Variants in LRRC7 observed in about 807,000 individuals in gnomAD.
The protein encoded by LRRC7 is leucine-rich repeat-containing protein 7.
Under a neutral mutation model 175.7 loss-of-function variants are expected in LRRC7, and 23 were observed. The observed-to-expected ratio is 0.13, with a 90% CI of 0.09 to 0.19. LRRC7 has a LOEUF of 0.19. Among genes scored for constraint, LRRC7 ranks in the 10% least tolerant of loss-of-function variants. The pLI is 1.00. For missense variants in LRRC7, 1,354 were observed against 1,904.7 expected (o/e 0.71, Z 5.38); for synonymous variants, 685 against 680.9 (o/e 1.01, Z -0.09).
chr1:69,598,037 T>C (rs960096500), intron 1 of LRRC7, among the ~76,000 whole-genome samples: 5 of 152,150 alleles, frequency 3.3e-5, no homozygotes, highest in African/African-American at 1.2e-4. Context: ...ATAAAATGAT[T>C]TGTTGAGCAA....
intron 7 of LRRC7, among the ~76,000 whole-genome samples, chr1:69,903,853 C>T (rs1163499555): frequency 1.3e-5 from 2 of 152,100 alleles, no homozygotes; most frequent in Admixed American, 6.6e-5. Context: ...ATACAAACTA[C>T]CATCAGAGAA....
intron 2 of LRRC7, among the ~76,000 whole-genome samples, chr1:69,701,300 C>G (rs1356440113): frequency 1.3e-5 from 2 of 152,062 alleles, no homozygotes; most frequent in Non-Finnish European, 2.9e-5. Flanking sequence ...CCACCCCAAG[C>G]AGAAATACTA....
At chr1:69,628,831 T>C (rs1652017152) in intron 1 of LRRC7, among the ~76,000 whole-genome samples, 1 of 152,118 alleles carries the variant, frequency 6.6e-6, no homozygotes, top group Admixed American at 6.6e-5. Context: ...ATATAGTCAA[T>C]TTATCTTTGA....
chr1:69,679,061 T>G (rs776316447), intron 2 of LRRC7, among the ~76,000 whole-genome samples: 1 of 152,136 alleles, frequency 6.6e-6, no homozygotes, highest in Non-Finnish European at 1.5e-5. Flanking sequence ...CTCAAATTAT[T>G]AAATACTAGA....
At chr1:69,885,767 TC>T in intron 7 of LRRC7, among the ~76,000 whole-genome samples, 1 of 141,008 alleles carries the variant, frequency 7.1e-6, no homozygotes, top group Non-Finnish European at 1.5e-5. Flanking sequence ...GCTATAAATT[TC>T]CCTCTACACA....
intron 1 of LRRC7, among the ~76,000 whole-genome samples, chr1:69,643,017 A>AGT (rs1376916729): frequency 6.6e-6 from 1 of 152,106 alleles, no homozygotes; most frequent in Non-Finnish European, 1.5e-5. Flanking sequence ...TATAACTCTC[A>AGT]GTCCAAGGCT....
chr1:70,009,603 A>G lies in LRRC7; in HGVS notation c.1005-2194A>G, dbSNP rs541100554. On this transcript the variant is annotated intron_variant, in intron 11 of 26. Transcript: ENST00000651989. Reference sequence around the variant, plus strand: ...CAGGTACTGTGCTAAGTTCTTAATAACATTTCATTTTAGAGCCACTGCATG... The same window carrying G: ...CAGGTACTGTGCTAAGTTCTTAATAGCATTTCATTTTAGAGCCACTGCATG... Among the ~76,000 whole-genome samples the G allele has an allele frequency of 3.3e-5, 5 of 152,226 alleles. No individual in the cohort carries two copies. The South Asian group carries it at 6.2e-4, about 19-fold the overall frequency.
intron 7 of LRRC7, among the ~76,000 whole-genome samples, chr1:69,910,397 C>G (rs993214589): frequency 6.6e-5 from 10 of 152,218 alleles, no homozygotes; most frequent in Non-Finnish European, 1.5e-4. Flanking sequence ...AGTTTTCCTT[C>G]TACCAGACAG....
intron 3 of LRRC7, 123 bp downstream of exon 3, chr1:69,760,516 G>A: frequency 3.9e-6 from 3 of 775,678 alleles, no homozygotes; most frequent in Non-Finnish European, 6.3e-6. Flanking sequence ...CATTGAAATT[G>A]ATATAACTTC....
intron 7 of LRRC7, among the ~76,000 whole-genome samples, chr1:69,905,529 G>T (rs1253309125): frequency 3.9e-5 from 6 of 151,994 alleles, no homozygotes; most frequent in African/African-American, 1.5e-4. Context: ...GTCCTTGCGA[G>T]AGTTTGCTGA....
At chr1:69,916,093 C>T (rs1317862795) in intron 7 of LRRC7, among the ~76,000 whole-genome samples, 9 of 134,492 alleles carry the variant, frequency 6.7e-5, no homozygotes, top group African/African-American at 8.3e-5. Context: ...ATATTATATA[C>T]ATATTTTATA....
chr1:69,758,619 A>C (rs1454517023), intron 2 of LRRC7, among the ~76,000 whole-genome samples: 1 of 152,026 alleles, frequency 6.6e-6, no homozygotes, highest in Non-Finnish European at 1.5e-5. Context: ...TAATGAACGT[A>C]ATACCCAACA....
At chr1:69,888,847 C>A (rs1182618587) in intron 7 of LRRC7, among the ~76,000 whole-genome samples, 2 of 152,014 alleles carry the variant, frequency 1.3e-5, no homozygotes, top group African/African-American at 4.8e-5. Context: ...CACTGGAGAC[C>A]TAATGTACAG....
rs147009538 is a variant in LRRC7 at position 69,792,563 on chromosome 1, G to C, written c.421+403G>C. Reference sequence around the variant, plus strand: ...TCTTAATTTCCCTTACTGGGCTTCAGTTTTTTCCCCTAGCACTAACCATCC... The same window carrying C: ...TCTTAATTTCCCTTACTGGGCTTCACTTTTTTCCCCTAGCACTAACCATCC... On this transcript the variant is annotated intron_variant, in intron 4 of 26. Coordinates refer to ENST00000651989, the MANE Select transcript of LRRC7 (RefSeq NM_001370785.2). Among the ~76,000 whole-genome samples, 78 of 152,040 alleles carry C rather than the reference G, an allele frequency of 5.1e-4. No individual in the cohort carries two copies. In the East Asian group the frequency reaches 0.014, roughly 28 times the overall value.
At position 70,070,618 on chromosome 1, in the gene LRRC7, G is replaced by T. The variant is rs575843368; in HGVS notation, c.4231-5459G>T. 2.0e-5 allele frequency among the ~76,000 whole-genome samples: 3 copies of T among 152,184 alleles called. No individual in the cohort carries two copies. The South Asian group carries it at 6.2e-4, about 32-fold the overall frequency. Reference sequence around the variant, plus strand: ...ACCACTCCAGTTGGGGAAGGGTGGGGTGCTGCATTGTTATGGCCAGGTAAA... The same window carrying T: ...ACCACTCCAGTTGGGGAAGGGTGGGTTGCTGCATTGTTATGGCCAGGTAAA... On this transcript the variant is annotated intron_variant, in intron 23 of 26. Transcript: ENST00000651989.
chr1:70,029,381 G>A (rs1026155246), intron 18 of LRRC7, among the ~76,000 whole-genome samples: 1 of 152,090 alleles, frequency 6.6e-6, no homozygotes, highest in Non-Finnish European at 1.5e-5. Flanking sequence ...GGAAAAGGGA[G>A]GAGGGCATTC....
At chr1:69,578,148 T>C (rs1417360861) in intron 1 of LRRC7, among the ~76,000 whole-genome samples, 3 of 151,788 alleles carry the variant, frequency 2.0e-5, no homozygotes, top group Non-Finnish European at 4.4e-5. Flanking sequence ...AACAGACACT[T>C]CTCAAAAGAA....
intron 17 of LRRC7, among the ~76,000 whole-genome samples, chr1:70,024,933 A>G (rs1375429931): frequency 6.6e-6 from 1 of 152,136 alleles, no homozygotes. Context: ...GCTTTATTTA[A>G]AAAAATAGAA....
chr1:69,575,882 G>C (rs1257397331), intron 1 of LRRC7, among the ~76,000 whole-genome samples: 1 of 152,012 alleles, frequency 6.6e-6, no homozygotes, highest in Non-Finnish European at 1.5e-5. Flanking sequence ...TTCTAATCAG[G>C]AAAATAAAAT....
Sources: allele counts gnomAD v4.1 joint callset (sites outside exome capture counted in the v4.1 genomes callset), GRCh38; gene constraint gnomAD v4.1.1; transcripts MANE v1.5; gene names NCBI Gene and HGNC (gene_info 2026-07-23, HGNC 2026-07-21).